The following CCDC7 variants were observed in gnomAD, a reference collection of about 807,000 sequenced individuals.
CCDC7 encodes the protein coiled-coil domain containing 7.
CCDC7 carries 183 observed loss-of-function variants against 196.9 expected under a neutral mutation model. The observed-to-expected ratio is 0.93, with a 90% CI of 0.82 to 1.05. The LOEUF is 1.05. Ranked by LOEUF, CCDC7 falls within the 50% of genes least tolerant of loss-of-function variation. The pLI is 0.00. For missense variants in CCDC7, 1,540 were observed against 1,482.2 expected, an observed-to-expected ratio of 1.04 and a Z score of -0.64; for synonymous variants, 525 against 484.6, an observed-to-expected ratio of 1.08 and a Z score of -1.10.
chr10:32,650,668 G>A (rs1220317880), intron 20 of CCDC7, among the ~76,000 whole-genome samples: 2 of 152,138 alleles, frequency 1.3e-5, no homozygotes, highest in East Asian at 1.9e-4. Flanking sequence ...GAGAGTGTGG[G>A]CTCCTGTCCT....
intron 5 of CCDC7, 28 bp from the exon 7 acceptor site, chr10:32,471,036 A>C: frequency 6.5e-7 from 1 of 1,538,370 alleles, no homozygotes; most frequent in Non-Finnish European, 8.7e-7. Context: ...GGTATTTACT[A>C]AATAACTGGT....
intron 13 of CCDC7, among the ~76,000 whole-genome samples, chr10:32,544,898 T>C (rs929633741): frequency 6.6e-6 from 1 of 152,178 alleles, no homozygotes; most frequent in African/African-American, 2.4e-5. Flanking sequence ...TCTTTTTTTT[T>C]GGATTTACGT....
In CCDC7 at chr10:32,843,472, T is replaced by C. The variant is rs533697692; in HGVS notation, c.3353-1771T>C. Among the ~76,000 whole-genome samples the C allele has an allele frequency of 4.6e-5, 7 of 152,176 alleles. No homozygotes were observed. The South Asian group carries it at 1.0e-3, about 23-fold the overall frequency. On this transcript the variant is annotated intron_variant, in intron 33 of 41. Transcript: ENST00000639629. ...AAATATGTGAACATCTTAAAAAACA[T>C]TGAATCGAACACTTTACATAGGCAT...
chr10:32,724,829 C>T (rs922277007), intron 25 of CCDC7, among the ~76,000 whole-genome samples: 7 of 152,004 alleles, frequency 4.6e-5, no homozygotes, highest in Admixed American at 4.6e-4. Context: ...GCATGGTTGG[C>T]CTGGAGAGAT....
chr10:32,652,618 A>G (rs1052421673), intron 20 of CCDC7, among the ~76,000 whole-genome samples: 2 of 152,134 alleles, frequency 1.3e-5, no homozygotes, highest in African/African-American at 4.8e-5. Flanking sequence ...AAAACATCTT[A>G]TGTAACTAAT....
chr10:32,759,755 A>G (rs1776391745), intron 28 of CCDC7, among the ~76,000 whole-genome samples: 1 of 152,230 alleles, frequency 6.6e-6, no homozygotes, highest in South Asian at 2.1e-4. Context: ...GGATCTAATT[A>G]AACTGAAGAG....
chr10:32,595,338 A>T (rs2060216721), intron 18 of CCDC7, among the ~76,000 whole-genome samples: 1 of 152,130 alleles, frequency 6.6e-6, no homozygotes, highest in Non-Finnish European at 1.5e-5. Context: ...ATTTGCGTAG[A>T]GATGTTTGTA....
intron 18 of CCDC7, among the ~76,000 whole-genome samples, chr10:32,628,052 C>A (rs936922194): frequency 6.6e-6 from 1 of 151,888 alleles, no homozygotes; most frequent in Admixed American, 6.6e-5. Context: ...AGTATTCCCT[C>A]ATTTTCAATT....
At chr10:32,767,347 T>C (rs140527808) in intron 28 of CCDC7, among the ~76,000 whole-genome samples, 1 of 152,302 alleles carries the variant, frequency 6.6e-6, no homozygotes, top group Non-Finnish European at 1.5e-5. Flanking sequence ...ATGTTAAATG[T>C]GATTCTTTGT....
At position 32,474,246 on chromosome 10, in the gene CCDC7, C is replaced by CA. The variant is rs1425357671; in HGVS notation, c.796+224dup. On this transcript the variant is annotated intron_variant, in intron 8 of 41. Transcript: ENST00000639629. ...TTTTTTTTTTTTTTTTTTTTGGAGA[C>CA]AGAGTCTTGCTCTGTTGCCCAGGCT... Among the ~76,000 whole-genome samples the CA allele has an allele frequency of 1.1e-4, 11 of 96,530 alleles. No homozygotes were observed. In the East Asian group the frequency reaches 4.4e-3, roughly 38 times the overall value. The allele number at this position is 96,530 out of a possible 152,430, so 63.3% of individuals were successfully genotyped here. A position where few individuals can be genotyped will look rare whatever the true frequency, so the allele number is the denominator to read the frequency against.
chr10:32,861,831 G>A (rs1272817729), intron 41 of CCDC7, among the ~76,000 whole-genome samples: 2 of 152,172 alleles, frequency 1.3e-5, no homozygotes, highest in Non-Finnish European at 2.9e-5. Context: ...ATCATCACTG[G>A]TCATTAGAGA....
intron 18 of CCDC7, among the ~76,000 whole-genome samples, chr10:32,611,729 T>TA (rs1318784548): frequency 6.6e-6 from 1 of 152,076 alleles, no homozygotes; most frequent in Non-Finnish European, 1.5e-5. Context: ...TTGGATGGTT[T>TA]ACATGTGTGG....
chr10:32,545,086 C>T (rs1315506424), intron 13 of CCDC7, among the ~76,000 whole-genome samples: 5 of 152,162 alleles, frequency 3.3e-5, no homozygotes, highest in East Asian at 1.9e-4. Context: ...TTTAATGCAA[C>T]GTTATTTCTC....
intron 20 of CCDC7, among the ~76,000 whole-genome samples, chr10:32,650,220 T>C (rs931885202): frequency 6.6e-6 from 1 of 152,224 alleles, no homozygotes; most frequent in African/African-American, 2.4e-5. Context: ...AGGCTCTGTA[T>C]AGGGTCTTTG....
At chr10:32,444,160 C>G (rs894194277), upstream of CCDC7, among the ~76,000 whole-genome samples, 2 of 152,120 alleles carry the variant, frequency 1.3e-5, no homozygotes, top group Non-Finnish European at 2.9e-5. Context: ...ATATCCTTGC[C>G]TCCTTCCAAT....
At chr10:32,789,930 A>T (rs892842165) in intron 29 of CCDC7, among the ~76,000 whole-genome samples, 8 of 152,222 alleles carry the variant, frequency 5.3e-5, no homozygotes, top group African/African-American at 1.9e-4. Flanking sequence ...AAAATACAAC[A>T]AGGAAAGCAA....
chr10:32,571,812 C>A, intron 15 of CCDC7, 47 bp from the exon 17 acceptor site: 2 of 1,486,832 alleles, frequency 1.3e-6, no homozygotes, highest in Non-Finnish European at 1.8e-6. Flanking sequence ...GTAAACATTT[C>A]ATATGCATAC....
intron 13 of CCDC7, among the ~76,000 whole-genome samples, chr10:32,563,482 C>T (rs567815366): frequency 6.6e-5 from 10 of 152,258 alleles, no homozygotes; most frequent in Non-Finnish European, 1.3e-4. Flanking sequence ...ACAGAGTCCT[C>T]AGAAATAATG....
intron 13 of CCDC7, among the ~76,000 whole-genome samples, chr10:32,558,384 T>C (rs1306011858): frequency 2.0e-5 from 3 of 152,190 alleles, no homozygotes; most frequent in Non-Finnish European, 4.4e-5. Context: ...CTAGGCTGCT[T>C]AGTCTTCTTT....
Sources: gnomAD v4.1 joint callset for allele counts (sites outside exome capture counted in the v4.1 genomes callset) on GRCh38, gnomAD v4.1.1 for gene constraint, MANE v1.5 for transcripts, NCBI Gene and HGNC (gene_info 2026-07-23, HGNC 2026-07-21) for gene names.